Variants in OR8B2 observed in about 807,000 individuals in gnomAD.
The protein encoded by OR8B2 is olfactory receptor 8B2.
For synonymous variants in OR8B2, 98 were observed against 138.2 expected (o/e 0.71, Z 2.04); for missense variants, 304 against 379.6 (o/e 0.80, Z 1.65).
chr11:124,395,810 G>C, the OR8B2 span: 2 of 152,420 alleles, frequency 1.3e-5, no homozygotes, highest in Non-Finnish European at 2.9e-5. Context: ...CAAATGCACT[G>C]GACTGATAGA....
rs777070024 is a variant in OR8B2, at chr11:124,382,767, A to G, written c.577T>C (p.Tyr193His). The G allele has an allele frequency of 2.4e-5, 39 of 1,613,556 alleles. No homozygotes were observed. The highest frequency in any genetic ancestry group is 3.2e-5 in the Non-Finnish European group (38 of 1,179,698). Residue 193 changes from tyrosine (Y) to histidine (H), a missense_variant, in exon 2 of 2, where the codon TAT (tyrosine) becomes CAT (histidine). Transcript: ENST00000641451. Reference sequence around the variant, plus strand: ...ATGAGAACAACCACCTCGTTGACATAGGTGCTGGTGCAGGAAAGCTGGAGG... The same window carrying G: ...ATGAGAACAACCACCTCGTTGACATGGGTGCTGGTGCAGGAAAGCTGGAGG... ...PLLQLSCTST[Y>H]VNEVVVLIVV...
rs1219129402 is a variant in OR8B2 at position 124,382,415 on chromosome 11, C to A, written c.929G>T (p.Arg310Ile). Reference protein sequence around the residue: ...LRKALIKIQRRNIF With the variant: ...LRKALIKIQRINIF ...TACTGCTTCTAATTAGAATATATTT[C>A]TCCTCTGAATTTTAATCAGAGCTTT... The change falls in exon 2 of 2, where the codon AGA becomes ATA. Residue 310 changes from arginine (R) to isoleucine (I), a missense_variant. By Grantham distance (97) the Arg-to-Ile change is moderately conservative (BLOSUM62 -3). Coordinates refer to ENST00000641451, the MANE Select transcript of OR8B2 (RefSeq NM_001005468.2). 1 of 1,603,186 alleles carries A rather than the reference C, an allele frequency of 6.2e-7. No individual in the cohort carries two copies. Among genetic ancestry groups the A allele is most frequent in the East Asian group, 2.2e-5 (1 of 44,830 alleles).
At chr11:124,390,244 G>T in the OR8B2 span, among the ~76,000 whole-genome samples, 769 of 152,224 alleles carry the variant, frequency 5.1e-3, 4 homozygotes, top group African/African-American at 0.017. Context: ...GCAATGAGGG[G>T]GGATGGAACA....
At chr11:124,386,755 T>A (rs1860707631), upstream of OR8B2, among the ~76,000 whole-genome samples, 1 of 152,146 alleles carries the variant, frequency 6.6e-6, no homozygotes, top group Non-Finnish European at 1.5e-5. Flanking sequence ...TGATTTATAG[T>A]CCTTTGGGTA....
chr11:124,395,076 G>T, the OR8B2 span, among the ~76,000 whole-genome samples: 1 of 151,314 alleles, frequency 6.6e-6, no homozygotes, highest in Non-Finnish European at 1.5e-5. Flanking sequence ...ACAGGATGCT[G>T]AAGAAGTCCT....
At chr11:124,394,213 T>G in the OR8B2 span, among the ~76,000 whole-genome samples, 3 of 151,434 alleles carry the variant, frequency 2.0e-5, no homozygotes, top group African/African-American at 7.3e-5. Context: ...GTAACTAACC[T>G]ACACATTGTG....
chr11:124,393,517 CATCA>C, the OR8B2 span, among the ~76,000 whole-genome samples: 7 of 121,992 alleles, frequency 5.7e-5, no homozygotes, highest in South Asian at 2.7e-4. Flanking sequence ...AAAAAACGTT[CATCA>C]TCACTGGCCA....
At chr11:124,396,446 T>G in the OR8B2 span, 5 of 1,611,462 alleles carry the variant, frequency 3.1e-6, no homozygotes, top group East Asian at 2.2e-5. Flanking sequence ...TAATCAGAGC[T>G]TTCCTCAGTG....
chr11:124,392,784 A>G, the OR8B2 span, among the ~76,000 whole-genome samples: 1 of 150,554 alleles, frequency 6.6e-6, no homozygotes, highest in East Asian at 1.9e-4. Context: ...ACATGGAACC[A>G]AAAAAGAGCC....
the OR8B2 span, chr11:124,397,031 A>G: frequency 1.7e-4 from 275 of 1,612,516 alleles, no homozygotes; most frequent in East Asian, 5.1e-4. Context: ...CAGAGATGAC[A>G]AAAAAGAGAA....
At chr11:124,388,827 CTT>C (rs145400784), upstream of OR8B2, among the ~76,000 whole-genome samples, 2,242 of 129,734 alleles carry the variant, frequency 0.017, 63 homozygotes, top group African/African-American at 0.06. Flanking sequence ...GTGTGAAATT[CTT>C]TTTTTTTTTT....
the OR8B2 span, among the ~76,000 whole-genome samples, chr11:124,390,280 A>G: frequency 6.6e-6 from 1 of 152,188 alleles, no homozygotes; most frequent in Non-Finnish European, 1.5e-5. Flanking sequence ...CTATCCAGCT[A>G]TTCACTATAC....
In OR8B2 at chr11:124,383,016, A is replaced by G. The variant is rs1860625590; in HGVS notation, c.328T>C (p.Ser110Pro). The G allele has an allele frequency of 1.2e-6, 2 of 1,613,864 alleles. No individual in the cohort carries two copies. Among genetic ancestry groups the G allele is most frequent in the South Asian group, 1.1e-5 (1 of 91,070 alleles). Residue 110 changes from serine (S) to proline (P), a missense_variant, in exon 2 of 2, where the codon TCT becomes CCT. Physicochemically the swap from Ser to Pro is moderately conservative, Grantham distance 74. Coordinates refer to ENST00000641451, the MANE Select transcript of OR8B2 (RefSeq NM_001005468.2). ...RLFFFLFFVI[S>P]ECYMLTSMAY... Reference sequence around the variant, plus strand: ...ATTGAAGTCAACATGTAACATTCAGAGATGACGAAAAAGAGAAAGAAAAAC... The same window carrying G: ...ATTGAAGTCAACATGTAACATTCAGGGATGACGAAAAAGAGAAAGAAAAAC...
the OR8B2 span, among the ~76,000 whole-genome samples, chr11:124,390,749 T>C: frequency 1.1e-4 from 14 of 126,100 alleles, no homozygotes; most frequent in Non-Finnish European, 1.8e-4. Context: ...TCATTTTAAT[T>C]AAGTTTATTT....
the OR8B2 span, among the ~76,000 whole-genome samples, chr11:124,390,760 G>GT: frequency 5.7e-4 from 85 of 148,660 alleles, 1 homozygote; most frequent in Middle Eastern, 7.0e-3. Context: ...AAGTTTATTT[G>GT]TTTTTTTTTT....
chr11:124,385,780 G>A (rs1275602435), upstream of OR8B2, among the ~76,000 whole-genome samples: 1 of 151,606 alleles, frequency 6.6e-6, no homozygotes, highest in African/African-American at 2.4e-5. Context: ...ACAGGCACAT[G>A]CCACCACACC....
chr11:124,390,758 T>C, the OR8B2 span, among the ~76,000 whole-genome samples: 1 of 80,080 alleles, frequency 1.2e-5, no homozygotes, highest in African/African-American at 4.4e-5. Context: ...TTAAGTTTAT[T>C]TGTTTTTTTT....
chr11:124,387,138 A>G (rs1860716204), upstream of OR8B2, among the ~76,000 whole-genome samples: 2 of 152,032 alleles, frequency 1.3e-5, no homozygotes, highest in Non-Finnish European at 2.9e-5. Context: ...GTTTGAGTTC[A>G]TTGTAGATTC....
chr11:124,387,259 T>G (rs555987549), upstream of OR8B2, among the ~76,000 whole-genome samples: 1 of 152,384 alleles, frequency 6.6e-6, no homozygotes, highest in South Asian at 2.1e-4. Flanking sequence ...GCTCTTTAGT[T>G]TAATTAGATC....
Sources: allele counts gnomAD v4.1 joint callset (sites outside exome capture counted in the v4.1 genomes callset), GRCh38; gene constraint gnomAD v4.1.1; transcripts MANE v1.5; gene names NCBI Gene and HGNC (gene_info 2026-07-23, HGNC 2026-07-21).